WWOX: variants seen among roughly 807,000 people sequenced by gnomAD.
WWOX encodes the protein WW domain-containing oxidoreductase.
In WWOX, 69 loss-of-function variants were observed where a neutral mutation model predicts 46.2. The ratio of observed to expected loss-of-function variants is 1.49; its 90% confidence interval spans 1.23 to 1.82. The LOEUF is 1.82. Ranked by LOEUF, WWOX falls within the 40% of genes most tolerant of loss-of-function variation. WWOX has a pLI of 0.00. For synonymous variants in WWOX, 359 were observed against 202.6 expected (o/e 1.77, Z -6.56); for missense variants, 919 against 542.6 (o/e 1.69, Z -6.89).
At chr16:78,404,940 A>C (rs1263303556) in intron 6 of WWOX, among the ~76,000 whole-genome samples, 2 of 152,212 alleles carry the variant, frequency 1.3e-5, no homozygotes, top group East Asian at 1.9e-4. Context: ...CCATTGCACT[A>C]AGTGCCATTG....
intron 8 of WWOX, among the ~76,000 whole-genome samples, chr16:78,438,737 G>A (rs1400126837): frequency 6.6e-6 from 1 of 152,110 alleles, no homozygotes; most frequent in Non-Finnish European, 1.5e-5. Flanking sequence ...GAACTTCTGC[G>A]ACGATCGGGT....
At chr16:78,961,051 T>A (rs1363681100) in intron 8 of WWOX, among the ~76,000 whole-genome samples, 1 of 152,286 alleles carries the variant, frequency 6.6e-6, no homozygotes, top group Admixed American at 6.5e-5. Context: ...CATCTGGGCA[T>A]GATGACCCTC....
chr16:79,086,949 C>G (rs1374898548), intron 8 of WWOX, among the ~76,000 whole-genome samples: 2 of 152,208 alleles, frequency 1.3e-5, no homozygotes, highest in East Asian at 1.9e-4. Flanking sequence ...AGTACAGACT[C>G]TGCAGAGCAC....
At chr16:79,209,375 T>C (rs555640298) in intron 8 of WWOX, among the ~76,000 whole-genome samples, 7 of 152,344 alleles carry the variant, frequency 4.6e-5, no homozygotes, top group African/African-American at 1.7e-4. Context: ...TGGCAAAATA[T>C]TTTATCAGGT....
At chr16:78,812,136 A>C (rs753508339) in intron 8 of WWOX, among the ~76,000 whole-genome samples, 1 of 152,120 alleles carries the variant, frequency 6.6e-6, no homozygotes, top group South Asian at 2.1e-4. Context: ...CAAATACAGT[A>C]GGTACCAATG....
At chr16:78,690,204 T>G (rs2047953701) in intron 8 of WWOX, among the ~76,000 whole-genome samples, 1 of 152,116 alleles carries the variant, frequency 6.6e-6, no homozygotes, top group Non-Finnish European at 1.5e-5. Flanking sequence ...GCCAACTTTT[T>G]GAGGACCATG....
At chr16:78,310,337 C>G (rs1328620668) in intron 5 of WWOX, among the ~76,000 whole-genome samples, 1 of 152,202 alleles carries the variant, frequency 6.6e-6, no homozygotes, top group Non-Finnish European at 1.5e-5. Flanking sequence ...GGCATGTGCT[C>G]ACACATGCAC....
intron 5 of WWOX, among the ~76,000 whole-genome samples, chr16:78,327,864 T>C (rs2080663740): frequency 7.0e-6 from 1 of 142,396 alleles, no homozygotes; most frequent in Non-Finnish European, 1.5e-5. Flanking sequence ...CCTGAATGAG[T>C]CCTGATTTTT....
intron 8 of WWOX, among the ~76,000 whole-genome samples, chr16:79,068,654 A>T (rs945996344): frequency 1.3e-5 from 2 of 151,376 alleles, no homozygotes; most frequent in African/African-American, 4.9e-5. Context: ...CAACAACAAA[A>T]AAAAAAATTA....
chr16:78,527,280 C>G (rs552151471), intron 8 of WWOX, among the ~76,000 whole-genome samples: 1 of 147,442 alleles, frequency 6.8e-6, no homozygotes, highest in African/African-American at 2.5e-5. Flanking sequence ...ACTTGTATCT[C>G]GCTCTTTTTT....
chr16:78,488,941 A>T (rs2084709010), intron 8 of WWOX, among the ~76,000 whole-genome samples: 1 of 152,272 alleles, frequency 6.6e-6, no homozygotes, highest in East Asian at 1.9e-4. Flanking sequence ...GTGCTTTCTG[A>T]TAATGGCACT....
intron 8 of WWOX, among the ~76,000 whole-genome samples, chr16:79,084,697 G>C (rs1318706915): frequency 6.6e-6 from 1 of 152,154 alleles, no homozygotes; most frequent in Non-Finnish European, 1.5e-5. Context: ...ACAGGCATGA[G>C]CCACCGCACC....
chr16:78,424,786 C>G, intron 6 of WWOX, 84 bp from the exon 7 acceptor site: 1 of 1,475,776 alleles, frequency 6.8e-7, no homozygotes, highest in East Asian at 2.3e-5. Flanking sequence ...TTTATGTCCA[C>G]ATCACGTGGA....
In WWOX at chr16:78,345,185, C is replaced by T. The variant is rs1279651638; in HGVS notation, c.517-41675C>T. On this transcript the variant is annotated intron_variant, in intron 5 of 8. Transcript: ENST00000566780. Reference sequence around the variant, plus strand: ...GCAGTACATGGGGGTATACAGAGTGCAGGCCTCAGAACTGCAGAACATCTG... The same window carrying T: ...GCAGTACATGGGGGTATACAGAGTGTAGGCCTCAGAACTGCAGAACATCTG... 1.7e-5 allele frequency among the ~76,000 whole-genome samples: 2 copies of T among 117,764 alleles called. 1 individual carries two copies. 77.3% of individuals were successfully genotyped at this position (117,764 alleles called of 152,430 possible).
At chr16:79,064,785 G>C (rs1350234506) in intron 8 of WWOX, among the ~76,000 whole-genome samples, 2 of 152,186 alleles carry the variant, frequency 1.3e-5, no homozygotes, top group Non-Finnish European at 2.9e-5. Flanking sequence ...CACAGCACTG[G>C]GTGTGAGGAA....
intron 8 of WWOX, among the ~76,000 whole-genome samples, chr16:78,704,322 G>A (rs927605653): frequency 6.6e-6 from 1 of 152,092 alleles, no homozygotes; most frequent in Non-Finnish European, 1.5e-5. Flanking sequence ...TGAAACTTAA[G>A]ATGTCAGCAC....
At chr16:79,146,307 T>A (rs2050181547) in intron 8 of WWOX, among the ~76,000 whole-genome samples, 2 of 152,192 alleles carry the variant, frequency 1.3e-5, no homozygotes, top group South Asian at 4.1e-4. Context: ...GGTATTCTCC[T>A]ACCAGCAGAG....
chr16:78,524,164 G>T (rs1446294506), intron 8 of WWOX, among the ~76,000 whole-genome samples: 2 of 152,076 alleles, frequency 1.3e-5, no homozygotes, highest in African/African-American at 2.4e-5. Context: ...CCTTCTTTCT[G>T]CTCTTTTTCT....
intron 8 of WWOX, among the ~76,000 whole-genome samples, chr16:78,616,999 C>T (rs1266186342): frequency 6.6e-6 from 1 of 152,168 alleles, no homozygotes; most frequent in Admixed American, 6.5e-5. Context: ...TCTGAGAAGA[C>T]ACAAAACCCA....
Sources: allele counts gnomAD v4.1 joint callset (sites outside exome capture counted in the v4.1 genomes callset), GRCh38; gene constraint gnomAD v4.1.1; transcripts MANE v1.5; gene names NCBI Gene and HGNC (gene_info 2026-07-23, HGNC 2026-07-21).